The following TMIGD3 variants were observed in gnomAD, a reference collection of about 807,000 sequenced individuals.
TMIGD3 encodes AD026 protein (AD026).
A neutral mutation model predicts 28.1 loss-of-function variants in TMIGD3; 21 were observed. The ratio of observed to expected loss-of-function variants is 0.75; its 90% CI spans 0.53 to 1.08. The LOEUF (loss-of-function observed/expected upper bound fraction) is 1.08, where lower values mean the gene tolerates loss of function less well. Among genes scored for constraint, TMIGD3 ranks in the 50% least tolerant of loss-of-function variants. The probability of loss-of-function intolerance (pLI) is 0.00; values close to 1 mark genes in which losing one functional copy is unlikely to be tolerated. For missense variants in TMIGD3, 416 were observed against 435.6 expected, an observed-to-expected ratio of 0.96 and a Z score of 0.40; for synonymous variants, 151 against 162.1, an observed-to-expected ratio of 0.93 and a Z score of 0.52.
chr1:111,484,240 C>T (rs1654252395), intron 5 of TMIGD3, among the ~76,000 whole-genome samples: 1 of 152,200 alleles, frequency 6.6e-6, no homozygotes, highest in Non-Finnish European at 1.5e-5. Context: ...CTTCCTCCCC[C>T]TCTACAAGTT....
intron 1 of TMIGD3, among the ~76,000 whole-genome samples, chr1:111,527,301 C>T (rs936685776): frequency 2.0e-5 from 3 of 152,172 alleles, no homozygotes; most frequent in Non-Finnish European, 4.4e-5. Flanking sequence ...CGTGAGCCAC[C>T]GCGCCTGACC....
Position 111,489,869 on chromosome 1 carries a change from G to A in TMIGD3, c.457+787C>T, listed in dbSNP as rs960283001. 1.1e-5 allele frequency: 6 copies of A among 545,420 alleles called. No individual in the cohort carries two copies. The South Asian group carries it at 5.1e-4, about 47-fold the overall frequency. The allele number at this position is 545,420 out of a possible 1,614,324, so 33.8% of individuals were successfully genotyped here. ...TCTCAGGATATTGCACAATGAGGAA[G>A]TCACGCACACCATGTCCAGCTTGAC... On this transcript the variant is annotated intron_variant, in intron 2 of 5. Coordinates refer to ENST00000369716, the MANE Select transcript of TMIGD3 (RefSeq NM_020683.7).
intron 1 of TMIGD3, among the ~76,000 whole-genome samples, chr1:111,492,791 G>T (rs2100965820): frequency 6.8e-6 from 1 of 148,000 alleles, no homozygotes; most frequent in South Asian, 2.2e-4. Context: ...TTTAGCCGGG[G>T]CAACAGAGTG....
At chr1:111,502,481 AAT>A (rs1000224683) in intron 1 of TMIGD3, among the ~76,000 whole-genome samples, 17 of 144,360 alleles carry the variant, frequency 1.2e-4, no homozygotes, top group African/African-American at 4.3e-4. Flanking sequence ...TATTATAATA[AAT>A]ATATATATAT....
chr1:111,509,015 A>G (rs1655604977), intron 1 of TMIGD3, among the ~76,000 whole-genome samples: 2 of 152,206 alleles, frequency 1.3e-5, no homozygotes. Context: ...GAATTGCTTG[A>G]ACCCGGGAGG....
At chr1:111,527,231 C>T (rs574165111) in intron 1 of TMIGD3, among the ~76,000 whole-genome samples, 44 of 152,058 alleles carry the variant, frequency 2.9e-4, no homozygotes, top group African/African-American at 8.9e-4. Context: ...AGGCTGGTCT[C>T]GAACTCCTGA....
At chr1:111,526,219 C>A (rs1656255826) in intron 1 of TMIGD3, among the ~76,000 whole-genome samples, 1 of 152,180 alleles carries the variant, frequency 6.6e-6, no homozygotes, top group East Asian at 1.9e-4. Context: ...TATGGTTTTA[C>A]TATGTCCTCA....
At chr1:111,548,252 C>T (rs903549127) in intron 1 of TMIGD3, among the ~76,000 whole-genome samples, 1 of 152,204 alleles carries the variant, frequency 6.6e-6, no homozygotes, top group Non-Finnish European at 1.5e-5. Flanking sequence ...AACTCCTGGC[C>T]TCAAGCGACC....
intron 1 of TMIGD3, among the ~76,000 whole-genome samples, chr1:111,545,897 G>A (rs1270784965): frequency 6.6e-6 from 1 of 152,142 alleles, no homozygotes; most frequent in Non-Finnish European, 1.5e-5. Flanking sequence ...CCCCGGAACA[G>A]TCTTGGAAAC....
chr1:111,562,038 C>CT (rs902236264), intron 1 of TMIGD3, among the ~76,000 whole-genome samples: 1 of 152,130 alleles, frequency 6.6e-6, no homozygotes, highest in African/African-American at 2.4e-5. Context: ...ACTTTTCAAT[C>CT]TTTTTTCTCA....
In TMIGD3 at chr1:111,490,646, C is replaced by G; in HGVS notation, c.457+10G>C. On this transcript the variant is annotated intron_variant, in intron 2 of 5. Transcript: ENST00000369716. ...TTAAAGGGCTGGAGCTGTTCCGTCC[C>G]CCATCCTACCTGAAATGAGAGCCAA... 6.2e-7 allele frequency: 1 copy of G among 1,602,778 alleles called. No homozygotes were observed. Among genetic ancestry groups the G allele is most frequent in the Non-Finnish European group, 8.5e-7 (1 of 1,169,900 alleles).
At chr1:111,545,552 AT>A (rs1444409342) in intron 1 of TMIGD3, among the ~76,000 whole-genome samples, 2 of 152,074 alleles carry the variant, frequency 1.3e-5, no homozygotes, top group Non-Finnish European at 2.9e-5. Context: ...ATTTACAAAT[AT>A]TTTCCCCCGT....
chr1:111,487,755 A>C (rs1033851660), intron 3 of TMIGD3, among the ~76,000 whole-genome samples: 11 of 152,206 alleles, frequency 7.2e-5, no homozygotes, highest in African/African-American at 2.7e-4. Context: ...ATTCCTTAAA[A>C]GCAAAATAGG....
intron 1 of TMIGD3, among the ~76,000 whole-genome samples, chr1:111,538,704 A>G (rs1001696081): frequency 4.6e-5 from 7 of 152,334 alleles, no homozygotes; most frequent in East Asian, 1.9e-4. Context: ...TTGAAGTTAC[A>G]TAAAGCATGT....
At chr1:111,483,999 G>A (rs1286438280) in intron 5 of TMIGD3, among the ~76,000 whole-genome samples, 1 of 152,218 alleles carries the variant, frequency 6.6e-6, no homozygotes, top group East Asian at 1.9e-4. Context: ...CTTCTTCAGA[G>A]CCCAAGAATG....
At chr1:111,493,882 A>G (rs747403942) in intron 1 of TMIGD3, among the ~76,000 whole-genome samples, 5 of 152,242 alleles carry the variant, frequency 3.3e-5, no homozygotes, top group Non-Finnish European at 7.3e-5. Context: ...GTCTTTAAAG[A>G]TATCTGTCAT....
At chr1:111,500,153 T>G (rs887470121) in intron 1 of TMIGD3, 1 of 1,613,984 alleles carries the variant, frequency 6.2e-7, no homozygotes, top group African/African-American at 1.3e-5. Flanking sequence ...AAGTAGATGA[T>G]GCAGTTGATG....
At chr1:111,549,460 C>G (rs996099652) in intron 1 of TMIGD3, among the ~76,000 whole-genome samples, 5 of 151,338 alleles carry the variant, frequency 3.3e-5, no homozygotes, top group African/African-American at 9.7e-5. Context: ...ACCAGCCTGA[C>G]CAATATGGTG....
chr1:111,535,319 C>T (rs915382122), intron 1 of TMIGD3, among the ~76,000 whole-genome samples: 2 of 152,188 alleles, frequency 1.3e-5, no homozygotes, highest in Non-Finnish European at 2.9e-5. Flanking sequence ...GAAAAAATAT[C>T]ACACAGACGC....
Sources: allele counts gnomAD v4.1 joint callset (sites outside exome capture counted in the v4.1 genomes callset), GRCh38; gene constraint gnomAD v4.1.1; transcripts MANE v1.5; gene names NCBI Gene and HGNC (gene_info 2026-07-23, HGNC 2026-07-21).